The following FMNL2 variants were observed in gnomAD, a reference collection of about 807,000 sequenced individuals.
FMNL2 encodes formin-like protein 2.
FMNL2 carries 51 observed loss-of-function variants against 130.2 expected under a neutral mutation model. That is an observed-to-expected ratio of 0.39 (90% confidence interval 0.31 to 0.49). The LOEUF (loss-of-function observed/expected upper bound fraction) is 0.49, where lower values mean the gene tolerates loss of function less well. Ranked by LOEUF, FMNL2 falls within the 20% of genes least tolerant of loss-of-function variation. FMNL2 has a pLI of 0.85. For missense variants in FMNL2, 977 were observed against 1,316.2 expected (o/e 0.74, Z 3.99); for synonymous variants, 465 against 467.1 (o/e 1.00, Z 0.06).
chr2:152,524,238 C>A (rs1205343436), intron 2 of FMNL2, among the ~76,000 whole-genome samples: 1 of 151,990 alleles, frequency 6.6e-6, no homozygotes, highest in African/African-American at 2.4e-5. Context: ...AAATTCTGTC[C>A]CAAATTTAAC....
chr2:152,337,894 G>A (rs1480914890), intron 1 of FMNL2, among the ~76,000 whole-genome samples: 1 of 152,122 alleles, frequency 6.6e-6, no homozygotes, highest in Non-Finnish European at 1.5e-5. Flanking sequence ...GGACGCATTT[G>A]GACCATTGAT....
Position 152,626,867 on chromosome 2 carries a change from G to C in FMNL2, c.2165+140G>C, listed in dbSNP as rs1300136307. On this transcript the variant is annotated intron_variant, in intron 17 of 25. Transcript: ENST00000288670. The stretch of plus-strand genomic sequence containing the variant: ...GGAGCAATTTTTGATATCCACACTT[G>C]AGAGATCTGAACTCTGTGTGTGCTA... The C allele has an allele frequency of 4.6e-6, 4 of 863,224 alleles. No individual in the cohort carries two copies. In the African/African-American group the frequency reaches 6.8e-5, roughly 15 times the overall value. 53.5% of individuals were successfully genotyped at this position (863,224 alleles called of 1,614,324 possible).
intron 1 of FMNL2, among the ~76,000 whole-genome samples, chr2:152,377,995 C>T (rs376859125): frequency 2.0e-5 from 3 of 151,784 alleles, no homozygotes; most frequent in African/African-American, 4.8e-5. Context: ...GCCTGTAGTC[C>T]CAGCTACTAG....
chr2:152,570,866 T>C (rs1696134139), intron 6 of FMNL2, among the ~76,000 whole-genome samples: 1 of 152,206 alleles, frequency 6.6e-6, no homozygotes, highest in South Asian at 2.1e-4. Flanking sequence ...TTAAGCCCTC[T>C]GAAAATGTTC....
At chr2:152,437,122 C>G (rs1435638782) in intron 1 of FMNL2, among the ~76,000 whole-genome samples, 1 of 152,088 alleles carries the variant, frequency 6.6e-6, no homozygotes, top group Non-Finnish European at 1.5e-5. Flanking sequence ...GGCACTAATC[C>G]CATTCATAAG....
intron 1 of FMNL2, among the ~76,000 whole-genome samples, chr2:152,442,406 C>G (rs1252663911): frequency 6.6e-6 from 1 of 152,026 alleles, no homozygotes; most frequent in Non-Finnish European, 1.5e-5. Context: ...TGCCTGCCAC[C>G]ATGCCCAGCT....
In FMNL2 at chr2:152,438,556, C is replaced by T. The variant is rs1001376247; in HGVS notation, c.118-83387C>T. On this transcript the variant is annotated intron_variant, in intron 1 of 25. Coordinates refer to ENST00000288670, the MANE Select transcript of FMNL2 (RefSeq NM_052905.4). ...TTTTTTTATTTTTTATTTTTTGAGA[C>T]ATATGACTTTTAATGTCAGCTCGGG... Among the ~76,000 whole-genome samples the T allele has an allele frequency of 4.6e-5, 7 of 152,048 alleles. No homozygotes were observed. In the East Asian group the frequency reaches 1.3e-3, roughly 29 times the overall value.
intron 2 of FMNL2, among the ~76,000 whole-genome samples, chr2:152,524,446 C>T (rs1693272266): frequency 6.6e-6 from 1 of 152,160 alleles, no homozygotes; most frequent in Non-Finnish European, 1.5e-5. Context: ...ACAGAGACAT[C>T]TGTGCTGGAT....
intron 9 of FMNL2, among the ~76,000 whole-genome samples, chr2:152,606,286 T>C (rs991628749): frequency 6.6e-6 from 1 of 152,246 alleles, no homozygotes; most frequent in Non-Finnish European, 1.5e-5. Context: ...GTCTTACTAA[T>C]GCAGCAAATA....
At chr2:152,589,462 A>G (rs868279871) in intron 9 of FMNL2, among the ~76,000 whole-genome samples, 50 of 152,202 alleles carry the variant, frequency 3.3e-4, no homozygotes, top group African/African-American at 1.1e-3. Context: ...TATTCTTGGA[A>G]GATAACGAGG....
intron 1 of FMNL2, among the ~76,000 whole-genome samples, chr2:152,408,786 A>G (rs1041698538): frequency 6.6e-6 from 1 of 152,194 alleles, no homozygotes; most frequent in African/African-American, 2.4e-5. Flanking sequence ...CATGTAATTT[A>G]TTGAATACTG....
At chr2:152,646,157 C>A (rs200571372) in intron 25 of FMNL2, among the ~76,000 whole-genome samples, 70 of 116,834 alleles carry the variant, frequency 6.0e-4, no homozygotes, top group East Asian at 8.5e-4. Flanking sequence ...CCCATCTCTA[C>A]AAAAAAAAAA....
Position 152,492,471 on chromosome 2 carries a change from G to C in FMNL2, c.118-29472G>C, listed in dbSNP as rs908400713. ...TTCTCAATAATAGCTGTACTCTGTT[G>C]TCATTACAGTTTTGGCTTTTCTCAA... On this transcript the variant is annotated intron_variant, in intron 1 of 25. Transcript: ENST00000288670. Among the ~76,000 whole-genome samples, 4 of 152,158 alleles carry C rather than the reference G, an allele frequency of 2.6e-5. 1 individual carries two copies. The South Asian group carries it at 6.2e-4, about 24-fold the overall frequency.
chr2:152,601,726 A>G (rs1484027271), intron 9 of FMNL2, among the ~76,000 whole-genome samples: 6 of 146,554 alleles, frequency 4.1e-5, no homozygotes, highest in East Asian at 2.0e-4. Flanking sequence ...CTAGAGTGCA[A>G]TGGTGTGACC....
Position 152,417,209 on chromosome 2 carries a change from A to G in FMNL2, c.117+81489A>G, listed in dbSNP as rs189844429. On this transcript the variant is annotated intron_variant, in intron 1 of 25. Transcript: ENST00000288670. ...AAGTTCCTTAAGCTAATTAGAAAATACACACATTGATCTGTGAATGGATGC... is the reference window on the plus strand; with the variant it reads ...AAGTTCCTTAAGCTAATTAGAAAATGCACACATTGATCTGTGAATGGATGC... Among the ~76,000 whole-genome samples the G allele has an allele frequency of 3.3e-4, 50 of 152,348 alleles. No homozygotes were observed. The East Asian group carries it at 6.0e-3, about 18-fold the overall frequency.
chr2:152,601,303 CTTTTTT>C (rs10567754), intron 9 of FMNL2, among the ~76,000 whole-genome samples: 3 of 134,740 alleles, frequency 2.2e-5, no homozygotes, highest in Non-Finnish European at 3.1e-5. Flanking sequence ...TTTCTTTTTT[CTTTTTT>C]TTTTTTTTTG....
chr2:152,463,379 C>G (rs541806272), intron 1 of FMNL2, among the ~76,000 whole-genome samples: 142 of 152,278 alleles, frequency 9.3e-4, no homozygotes, highest in Non-Finnish European at 1.4e-3. Flanking sequence ...GGTTCAGTGA[C>G]TTGCTGAAGG....
Position 152,648,904 on chromosome 2 carries a change from G to C in FMNL2, c.*999G>C, listed in dbSNP as rs1683844512. ...CTACTTATGGAGAATTGCAGTTTAAGTTGCTGAAAAGTATTAACATGGTAT... is the reference window on the plus strand; with the variant it reads ...CTACTTATGGAGAATTGCAGTTTAACTTGCTGAAAAGTATTAACATGGTAT... On this transcript the variant is annotated 3_prime_UTR_variant, in exon 26 of 26. Coordinates refer to ENST00000288670, the MANE Select transcript of FMNL2 (RefSeq NM_052905.4). The C allele has an allele frequency of 6.6e-6, 1 of 152,570 alleles. No individual in the cohort carries two copies. Among genetic ancestry groups the C allele is most frequent in the Non-Finnish European group, 1.5e-5 (1 of 68,040 alleles). The allele number at this position is 152,570 out of a possible 1,614,324, so 9.5% of individuals were successfully genotyped here. A position where few individuals can be genotyped will look rare whatever the true frequency, so the allele number is the denominator to read the frequency against.
intron 1 of FMNL2, among the ~76,000 whole-genome samples, chr2:152,513,821 G>A (rs2105369662): frequency 6.6e-6 from 1 of 152,182 alleles, no homozygotes; most frequent in African/African-American, 2.4e-5. Flanking sequence ...GGTGATATTA[G>A]TACCCTCAAT....
Sources: gnomAD v4.1 joint callset for allele counts (sites outside exome capture counted in the v4.1 genomes callset) on GRCh38, gnomAD v4.1.1 for gene constraint, MANE v1.5 for transcripts, NCBI Gene and HGNC (gene_info 2026-07-23, HGNC 2026-07-21) for gene names.